PHLDB3: variants seen among roughly 807,000 people sequenced by gnomAD.
The protein encoded by PHLDB3 is pleckstrin homology like domain family B member 3.
A neutral mutation model predicts 85.7 loss-of-function variants in PHLDB3; 86 were observed. The observed-to-expected ratio is 1.00, with a 90% CI of 0.84 to 1.20. The LOEUF (loss-of-function observed/expected upper bound fraction) is 1.20. PHLDB3 is among the 50% of genes most tolerant of loss of function. PHLDB3 has a pLI of 0.00. For synonymous variants in PHLDB3, 376 were observed against 349.8 expected (o/e 1.07, Z -0.83); for missense variants, 995 against 873.0 (o/e 1.14, Z -1.76).
At chr19:43,478,250 A>C (rs1218020106) in intron 14 of PHLDB3, 118 bp from the exon 15 acceptor site, 17 of 686,094 alleles carry the variant, frequency 2.5e-5, no homozygotes, top group Non-Finnish European at 1.0e-5. Context: ...ACATGGTGAC[A>C]AGAGTCTGAA....
chr19:43,500,916 C>G lies in PHLDB3; in HGVS notation c.534+818G>C, dbSNP rs59365751. On this transcript the variant is annotated intron_variant, in intron 4 of 15. Coordinates refer to ENST00000292140, the MANE Select transcript of PHLDB3 (RefSeq NM_198850.4). ...CTTTGCCCCGCCCCCCGTACCCCCC[C>G]CCCACCCCGCAAGTACTGGGATTAC... Among the ~76,000 whole-genome samples, 9 of 109,912 alleles carry G rather than the reference C, an allele frequency of 8.2e-5. 2 individuals carry two copies. Among genetic ancestry groups the G allele is most frequent in the South Asian group, 4.6e-4 (1 of 2,186 alleles). The allele number at this position is 109,912 out of a possible 152,430, so 72.1% of individuals were successfully genotyped here. A position where few individuals can be genotyped will look rare whatever the true frequency, so the allele number is the denominator to read the frequency against.
chr19:43,500,383 G>A (rs1971559002), intron 4 of PHLDB3, among the ~76,000 whole-genome samples: 1 of 152,094 alleles, frequency 6.6e-6, no homozygotes, highest in African/African-American at 2.4e-5. Flanking sequence ...AGAAACAGAG[G>A]CATGTTCAAG....
chr19:43,478,328 A>G (rs765693541), intron 14 of PHLDB3, among the ~76,000 whole-genome samples, 196 bp from the exon 15 acceptor site: 9 of 152,046 alleles, frequency 5.9e-5, no homozygotes, highest in Admixed American at 6.6e-5. Context: ...GAAACTGGAC[A>G]TGATTGGGGA....
chr19:43,478,356 G>A (rs1435856890), intron 14 of PHLDB3, among the ~76,000 whole-genome samples: 2 of 152,098 alleles, frequency 1.3e-5, no homozygotes, highest in African/African-American at 4.8e-5. Context: ...CTGTGGAGCT[G>A]GAATCCTAGG....
intron 2 of PHLDB3, among the ~76,000 whole-genome samples, chr19:43,502,616 T>C (rs1971639706): frequency 1.5e-5 from 1 of 66,992 alleles, no homozygotes; most frequent in Non-Finnish European, 3.5e-5. Context: ...GCCAAGCTCT[T>C]TTTTTTTTTT....
At chr19:43,495,370 A>T (rs1971429540) in intron 7 of PHLDB3, 31 bp from the exon 8 acceptor site, 1 of 1,608,656 alleles carries the variant, frequency 6.2e-7, no homozygotes, top group Non-Finnish European at 8.5e-7. Context: ...CTACGTGTCA[A>T]AGTCAGAATG....
At chr19:43,490,507 C>T (rs1204368510) in intron 9 of PHLDB3, among the ~76,000 whole-genome samples, 1 of 151,876 alleles carries the variant, frequency 6.6e-6, no homozygotes, top group African/African-American at 2.4e-5. Context: ...GAGCCAAGAT[C>T]GCACCATTAC....
intron 4 of PHLDB3, among the ~76,000 whole-genome samples, chr19:43,500,468 G>A (rs1172269659): frequency 6.6e-6 from 1 of 152,092 alleles, no homozygotes; most frequent in Non-Finnish European, 1.5e-5. Context: ...AACAGTATGG[G>A]GAAGACACAG....
chr19:43,492,090 T>C (rs1435765562), intron 9 of PHLDB3, among the ~76,000 whole-genome samples: 2 of 151,264 alleles, frequency 1.3e-5, no homozygotes, highest in South Asian at 2.1e-4. Flanking sequence ...CAAGTAGCTG[T>C]GACTACAGGC....
chr19:43,500,909 A>ACCCCCCCCCCCCCCC (rs1248570317), intron 4 of PHLDB3, among the ~76,000 whole-genome samples: 8 of 17,148 alleles, frequency 4.7e-4, no homozygotes, highest in East Asian at 2.7e-3. Flanking sequence ...CGCCCCCCGT[A>ACCCCCCCCCCCCCCC]CCCCCCCCCC....
intron 1 of PHLDB3, 70 bp from the exon 2 acceptor site, chr19:43,504,202 T>C: frequency 2.9e-6 from 4 of 1,382,908 alleles, no homozygotes; most frequent in South Asian, 2.9e-5. Flanking sequence ...TCGCGTCTGC[T>C]CCGGGGCGCG....
At chr19:43,479,632 G>A (rs758730006) in intron 13 of PHLDB3, 39 bp from the exon 14 acceptor site, 6 of 1,417,962 alleles carry the variant, frequency 4.2e-6, no homozygotes, top group South Asian at 1.2e-5. Context: ...TGTAAGGGGC[G>A]GGGGATTCTA....
rs141405142 is a variant in PHLDB3, at chr19:43,497,302, G to C, written c.664-23C>G. 1.9e-4 allele frequency: 271 copies of C among 1,399,712 alleles called. No homozygotes were observed. The African/African-American group carries it at 3.6e-3, about 19-fold the overall frequency. 86.7% of individuals were successfully genotyped at this position (1,399,712 alleles called of 1,614,324 possible). A position where few individuals can be genotyped will look rare whatever the true frequency, so the allele number is the denominator to read the frequency against. ...CATCTATAGGTCGGAACACAAAAAG[G>C]GTGGAGGCCTGAATCCCTAAGACCC... On this transcript the variant is annotated intron_variant, in intron 5 of 15. Coordinates refer to ENST00000292140, the MANE Select transcript of PHLDB3 (RefSeq NM_198850.4).
intron 9 of PHLDB3, among the ~76,000 whole-genome samples, chr19:43,487,878 G>C (rs999971680): frequency 1.3e-5 from 2 of 152,126 alleles, no homozygotes; most frequent in African/African-American, 2.4e-5. Flanking sequence ...TGTGGGCCAG[G>C]TGTGGTGGCT....
Position 43,502,141 on chromosome 19 carries a change from A to C in PHLDB3, c.356T>G (p.Val119Gly). Residue 119 changes from valine to glycine, a missense_variant, in exon 3 of 16, where the codon GTG becomes GGG. Physicochemically the swap from Val to Gly is moderately radical, Grantham distance 109. Transcript: ENST00000292140. ...CTTCCTCTGGCGCTGTAGCTCCTTCACTCGCTGCTCCATCAGGGCCACACG... is the reference window on the plus strand; with the variant it reads ...CTTCCTCTGGCGCTGTAGCTCCTTCCCTCGCTGCTCCATCAGGGCCACACG... The part of the protein sequence containing the change: ...LTRVALMEQR[V>G]KELQRQRKEL... 1.9e-6 allele frequency: 3 copies of C among 1,579,790 alleles called. No homozygotes were observed. Among genetic ancestry groups the C allele is most frequent in the Non-Finnish European group, 1.7e-6 (2 of 1,163,734 alleles).
intron 15 of PHLDB3, 29 bp downstream of exon 15, chr19:43,478,018 G>A: frequency 6.4e-7 from 1 of 1,570,360 alleles, no homozygotes; most frequent in Non-Finnish European, 8.8e-7. Flanking sequence ...CTCCAACTGG[G>A]AGGTCAGGGT....
Position 43,495,696 on chromosome 19 carries a change from A to G in PHLDB3, c.826-76T>C, listed in dbSNP as rs189179302. The G allele has an allele frequency of 2.8e-3, 4,219 of 1,516,912 alleles. 141 individuals carry two copies. In the Admixed American group the frequency reaches 0.063, roughly 23 times the overall value. 94.0% of individuals were successfully genotyped at this position (1,516,912 alleles called of 1,614,324 possible). On this transcript the variant is annotated intron_variant, in intron 6 of 15. Transcript: ENST00000292140. ...CTCCCACAGAACCACATCTGCCTGGAGGGCTGGGGTTTACTCCAGCCACTC... is the reference window on the plus strand; with the variant it reads ...CTCCCACAGAACCACATCTGCCTGGGGGGCTGGGGTTTACTCCAGCCACTC...
At chr19:43,485,160 T>G (rs1370210862) in intron 13 of PHLDB3, among the ~76,000 whole-genome samples, 3 of 152,000 alleles carry the variant, frequency 2.0e-5, no homozygotes, top group Non-Finnish European at 2.9e-5. Context: ...TGGGGGTCTA[T>G]TAATCTACTC....
In PHLDB3 at chr19:43,487,063, G is replaced by T; in HGVS notation, c.1210C>A (p.Gln404Lys). ...LPRKRGERGS[Q>K]RGSPRPLSFH... ...GACAGAGGTCGGGGGGATCCTCTCT[G>T]GCTCCCCCTCTCCCCCCTTTTCCGG... Residue 404 changes from glutamine to lysine, a missense_variant, in exon 10 of 16, where the codon CAG becomes AAG. Gln to Lys is a moderately conservative substitution (Grantham distance 53). Coordinates refer to ENST00000292140, the MANE Select transcript of PHLDB3 (RefSeq NM_198850.4). 6.3e-7 allele frequency: 1 copy of T among 1,580,192 alleles called. No individual in the cohort carries two copies. The highest frequency in any genetic ancestry group is 8.6e-7 in the Non-Finnish European group (1 of 1,164,088).
Sources: gnomAD v4.1 joint callset for allele counts (sites outside exome capture counted in the v4.1 genomes callset) on GRCh38, gnomAD v4.1.1 for gene constraint, MANE v1.5 for transcripts, NCBI Gene and HGNC (gene_info 2026-07-23, HGNC 2026-07-21) for gene names.